RIF1: variants seen among roughly 807,000 people sequenced by gnomAD.
The protein encoded by RIF1 is telomere-associated protein RIF1.
In RIF1, 45 loss-of-function variants were observed where a neutral mutation model predicts 247.1. The observed-to-expected ratio is 0.18, with a 90% CI of 0.14 to 0.23. RIF1 has a LOEUF of 0.23. RIF1 is among the 10% of genes least tolerant of loss of function. RIF1 has a pLI of 1.00. For synonymous variants in RIF1, 1,087 were observed against 978.8 expected, an observed-to-expected ratio of 1.11 and a Z score of -2.06; for missense variants, 2,967 against 2,862.5, an observed-to-expected ratio of 1.04 and a Z score of -0.83.
chr2:151,512,705 T>C, downstream of RIF1: 2 of 1,478,656 alleles, frequency 1.4e-6, no homozygotes, highest in Non-Finnish European at 9.5e-7. Context: ...TTGGGGTTTA[T>C]GAGTGATGGC....
intron 27 of RIF1, 43 bp downstream of exon 27, chr2:151,461,332 G>T: frequency 6.4e-7 from 1 of 1,572,212 alleles, no homozygotes; most frequent in East Asian, 2.2e-5. Context: ...TGGTATTCAG[G>T]CTTAGATTTC....
intron 8 of RIF1, among the ~76,000 whole-genome samples, chr2:151,426,375 C>T (rs1319919031): frequency 1.3e-5 from 2 of 151,326 alleles, no homozygotes; most frequent in African/African-American, 2.4e-5. Flanking sequence ...AGTGTTTCAC[C>T]ATATTGGCCA....
At chr2:151,432,976 A>G in intron 9 of RIF1, 101 bp from the exon 10 acceptor site, 3 of 901,394 alleles carry the variant, frequency 3.3e-6, no homozygotes, top group Non-Finnish European at 4.8e-6. Context: ...AAAATTTTAA[A>G]ATACGTTCTC....
At chr2:151,425,152 A>G (rs553152615) in intron 8 of RIF1, among the ~76,000 whole-genome samples, 18 of 152,204 alleles carry the variant, frequency 1.2e-4, no homozygotes, top group South Asian at 8.3e-4. Context: ...TCTGATTACT[A>G]GTGATGTTGA....
chr2:151,468,790 C>T (rs758055756), intron 33 of RIF1, 34 bp downstream of exon 33: 1 of 1,396,478 alleles, frequency 7.2e-7, no homozygotes, highest in Non-Finnish European at 1.0e-6. Flanking sequence ...GCTTATATTC[C>T]AAGATGCCAC....
chr2:151,519,133 T>C, the RIF1 span: 7 of 1,048,678 alleles, frequency 6.7e-6, no homozygotes, highest in Non-Finnish European at 1.0e-5. Flanking sequence ...CTAATGGAAA[T>C]CAAAGTGAGA....
chr2:151,514,509 A>G, the RIF1 span: 1 of 1,157,946 alleles, frequency 8.6e-7, no homozygotes, highest in South Asian at 1.2e-5. Flanking sequence ...ATAAAAAACA[A>G]TTCCAATTTT....
chr2:151,497,482 CAAAGGAAA>C, intron 10 of RIF1: 1 of 1,464,224 alleles, frequency 6.8e-7, no homozygotes, highest in Admixed American at 2.6e-5. Flanking sequence ...AGAAGTAGCC[CAAAGGAAA>C]AAAGGATAAA....
intron 10 of RIF1, chr2:151,498,491 C>CTGTT (rs967938602): frequency 1.9e-5 from 12 of 620,838 alleles, no homozygotes; most frequent in Non-Finnish European, 3.4e-5. Flanking sequence ...TAGACTCAAC[C>CTGTT]TGTTTGTTTG....
chr2:151,462,840 T>G, intron 29 of RIF1, 44 bp from the exon 30 acceptor site: 3 of 1,394,476 alleles, frequency 2.2e-6, no homozygotes, highest in Non-Finnish European at 2.9e-6. Context: ...CGTTTGCTGG[T>G]TATTAATCTG....
chr2:151,432,108 A>G (rs1573954778), intron 9 of RIF1, among the ~76,000 whole-genome samples: 1 of 152,116 alleles, frequency 6.6e-6, no homozygotes, highest in Admixed American at 6.5e-5. Flanking sequence ...TCCTGGGTCC[A>G]AGCGAGTCTC....
At chr2:151,423,778 T>C (rs182675380) in intron 8 of RIF1, 1 of 152,238 alleles carries the variant, frequency 6.6e-6, no homozygotes, top group Non-Finnish European at 1.5e-5. Flanking sequence ...AGCCAGGTTT[T>C]GGGTGGTAGG....
chr2:151,486,129 T>C (rs1574271888), downstream of RIF1: 2 of 566,122 alleles, frequency 3.5e-6, no homozygotes, highest in East Asian at 5.8e-5. Flanking sequence ...AGGCAATTAA[T>C]ATCCAGAACA....
downstream of RIF1, among the ~76,000 whole-genome samples, chr2:151,511,789 CAG>C (rs550620134): frequency 3.5e-4 from 54 of 152,274 alleles, no homozygotes; most frequent in South Asian, 3.9e-3. Context: ...TGAGGGGAGT[CAG>C]GGGTTAGACT....
At chr2:151,492,025 T>C in intron 9 of RIF1, 2 of 1,450,084 alleles carry the variant, frequency 1.4e-6, no homozygotes, top group Non-Finnish European at 1.9e-6. Context: ...TGACTTGATG[T>C]AGGTAATGCT....
At chr2:151,447,816 C>T (rs1038077112) in intron 20 of RIF1, among the ~76,000 whole-genome samples, 6 of 152,168 alleles carry the variant, frequency 3.9e-5, no homozygotes, top group Non-Finnish European at 5.9e-5. Flanking sequence ...GCTAGGATTA[C>T]AGGCGTGAGC....
At chr2:151,490,276 T>A (rs1413348571) in intron 9 of RIF1, 4 of 1,452,426 alleles carry the variant, frequency 2.8e-6, no homozygotes, top group African/African-American at 2.9e-5. Context: ...GGATGAAAAA[T>A]TTTTAAATTT....
the RIF1 span, chr2:151,531,024 A>G: frequency 6.2e-7 from 1 of 1,613,504 alleles, no homozygotes; most frequent in South Asian, 1.1e-5. Flanking sequence ...CCTTGCGGAC[A>G]TGCAGCAACA....
At chr2:151,530,702 A>G in the RIF1 span, 201 of 291,512 alleles carry the variant, frequency 6.9e-4, 1 homozygote, top group African/African-American at 3.8e-3. Context: ...CGTCTACACA[A>G]TAGCCCAGCT....
Sources: allele counts gnomAD v4.1 joint callset (sites outside exome capture counted in the v4.1 genomes callset), GRCh38; gene constraint gnomAD v4.1.1; transcripts MANE v1.5; gene names NCBI Gene and HGNC (gene_info 2026-07-23, HGNC 2026-07-21).